ASIC2: variants seen among roughly 807,000 people sequenced by gnomAD.
ASIC2 encodes the protein acid-sensing ion channel 2.
Under a neutral mutation model 57.3 loss-of-function variants are expected in ASIC2, and 25 were observed. The observed-to-expected ratio is 0.44, with a 90% CI of 0.32 to 0.61. The LOEUF (loss-of-function observed/expected upper bound fraction) is 0.61, where lower values mean the gene tolerates loss of function less well. ASIC2 is among the 20% of genes least tolerant of loss of function. The probability of loss-of-function intolerance (pLI) is 0.06; values close to 1 mark genes in which losing one functional copy is unlikely to be tolerated. For synonymous variants in ASIC2, 319 were observed against 307.5 expected, an observed-to-expected ratio of 1.04 and a Z score of -0.39; for missense variants, 641 against 738.1, an observed-to-expected ratio of 0.87 and a Z score of 1.52.
At chr17:33,344,634 T>C (rs929665025) in intron 1 of ASIC2, among the ~76,000 whole-genome samples, 1 of 152,162 alleles carries the variant, frequency 6.6e-6, no homozygotes, top group Non-Finnish European at 1.5e-5. Context: ...GAAAGTTAAA[T>C]GAGATAGTGT....
chr17:33,383,969 G>A (rs891896226), intron 1 of ASIC2, among the ~76,000 whole-genome samples: 1 of 152,166 alleles, frequency 6.6e-6, no homozygotes, highest in Non-Finnish European at 1.5e-5. Context: ...ACCAGAGAGT[G>A]GTGTGGCTGT....
intron 1 of ASIC2, among the ~76,000 whole-genome samples, chr17:33,498,420 G>A (rs1660717200): frequency 6.6e-6 from 1 of 152,246 alleles, no homozygotes; most frequent in South Asian, 2.1e-4. Context: ...GGAGTTTGGA[G>A]GCTCTTGGGT....
chr17:33,490,859 C>T (rs181758153), intron 1 of ASIC2, among the ~76,000 whole-genome samples: 173 of 152,186 alleles, frequency 1.1e-3, no homozygotes, highest in African/African-American at 3.5e-3. Context: ...GCATTTTCGC[C>T]GGGGATAATC....
chr17:33,302,948 C>T (rs577920774), intron 1 of ASIC2, among the ~76,000 whole-genome samples: 25 of 152,310 alleles, frequency 1.6e-4, no homozygotes, highest in Non-Finnish European at 3.4e-4. Flanking sequence ...TCTATTCTCT[C>T]TGATTCTGGT....
At chr17:34,031,779 G>C (rs147453671) in intron 1 of ASIC2, among the ~76,000 whole-genome samples, 2,046 of 152,204 alleles carry the variant, frequency 0.013, 45 homozygotes, top group East Asian at 0.061. Context: ...AAGATGAAAT[G>C]AATGAAATGA....
intron 1 of ASIC2, among the ~76,000 whole-genome samples, chr17:33,782,358 CTTT>C (rs772291908): frequency 7.5e-6 from 1 of 133,806 alleles, no homozygotes; most frequent in Admixed American, 7.5e-5. Context: ...ATTGAAGTTC[CTTT>C]TTTTTTTTTT....
At position 33,282,087 on chromosome 17, in the gene ASIC2, A is replaced by G. The variant is rs553177479; in HGVS notation, c.708+9321T>C. ...TTTGGACAGATTCTGCTTCAAAATT[A>G]CCCAGCCTCGTTCACTAATGTGGAT... On this transcript the variant is annotated intron_variant, in intron 1 of 9. Transcript: ENST00000225823. 2.0e-5 allele frequency among the ~76,000 whole-genome samples: 3 copies of G among 152,346 alleles called. No homozygotes were observed. The East Asian group carries it at 5.8e-4, about 29-fold the overall frequency.
At chr17:33,609,616 A>C (rs1905332653) in intron 1 of ASIC2, among the ~76,000 whole-genome samples, 1 of 152,034 alleles carries the variant, frequency 6.6e-6, no homozygotes. Context: ...CTTATTCTTC[A>C]CTGATTTTAT....
intron 1 of ASIC2, among the ~76,000 whole-genome samples, chr17:33,190,094 A>G (rs1906354201): frequency 6.6e-6 from 1 of 152,146 alleles, no homozygotes; most frequent in Admixed American, 6.6e-5. Context: ...AGGAAGTAAA[A>G]CTGACTTTTT....
At chr17:33,409,049 AC>A (rs1910565674) in intron 1 of ASIC2, among the ~76,000 whole-genome samples, 1 of 152,136 alleles carries the variant, frequency 6.6e-6, no homozygotes. Context: ...CTCTGTCTCT[AC>A]CAAAAATACA....
chr17:34,152,586 A>G (rs1904568139), intron 1 of ASIC2, among the ~76,000 whole-genome samples: 2 of 152,210 alleles, frequency 1.3e-5, no homozygotes, highest in Admixed American at 1.3e-4. Flanking sequence ...CCGACTACTA[A>G]TATGGAAACC....
intron 1 of ASIC2, among the ~76,000 whole-genome samples, chr17:34,009,976 A>G (rs754336140): frequency 6.6e-6 from 1 of 152,238 alleles, no homozygotes; most frequent in Non-Finnish European, 1.5e-5. Context: ...AAATGAGATG[A>G]CAAAATGAGA....
intron 1 of ASIC2, among the ~76,000 whole-genome samples, chr17:33,632,555 C>G (rs538526261): frequency 6.6e-6 from 1 of 152,024 alleles, no homozygotes; most frequent in African/African-American, 2.4e-5. Flanking sequence ...GCTGCTTTTC[C>G]CAGTAAACTA....
intron 1 of ASIC2, among the ~76,000 whole-genome samples, chr17:34,086,702 GCTTT>G (rs1254292742): frequency 6.6e-6 from 1 of 152,278 alleles, no homozygotes; most frequent in African/African-American, 2.4e-5. Context: ...CTCAGGACTT[GCTTT>G]ATGAATCTGG....
At chr17:33,980,247 G>T (rs1905562738) in intron 1 of ASIC2, among the ~76,000 whole-genome samples, 1 of 152,148 alleles carries the variant, frequency 6.6e-6, no homozygotes, top group Admixed American at 6.5e-5. Flanking sequence ...ATATTTTCAG[G>T]ACTCAAGAGC....
At chr17:33,119,842 C>T (rs4074506) in intron 1 of ASIC2, among the ~76,000 whole-genome samples, 28,446 of 152,180 alleles carry the variant, frequency 0.19, 2,891 homozygotes, top group African/African-American at 0.22. Context: ...TTGCCCTTCC[C>T]AATCAGGAGG....
At chr17:33,978,721 C>A (rs892141929) in intron 1 of ASIC2, among the ~76,000 whole-genome samples, 3 of 152,154 alleles carry the variant, frequency 2.0e-5, no homozygotes, top group Non-Finnish European at 2.9e-5. Flanking sequence ...TGTGCTAGGC[C>A]TACTGTCTGC....
At chr17:34,079,444 C>T (rs148166620) in intron 1 of ASIC2, among the ~76,000 whole-genome samples, 2 of 152,306 alleles carry the variant, frequency 1.3e-5, no homozygotes, top group Admixed American at 6.5e-5. Flanking sequence ...GGACTATATC[C>T]TTTCAGGGAA....
At chr17:33,056,042 G>A (rs1159176657) in intron 3 of ASIC2, among the ~76,000 whole-genome samples, 3 of 152,216 alleles carry the variant, frequency 2.0e-5, no homozygotes, top group African/African-American at 7.2e-5. Flanking sequence ...TCTCATGCTG[G>A]AGCTAGGTTG....
Sources: allele counts gnomAD v4.1 joint callset (sites outside exome capture counted in the v4.1 genomes callset), GRCh38; gene constraint gnomAD v4.1.1; transcripts MANE v1.5; gene names NCBI Gene and HGNC (gene_info 2026-07-23, HGNC 2026-07-21).